The following ZFYVE16 variants were observed in gnomAD, a reference collection of about 807,000 sequenced individuals.
The protein encoded by ZFYVE16 is zinc finger FYVE-type containing 16, also known as zinc finger FYVE domain-containing protein 16.
ZFYVE16 carries 89 observed loss-of-function variants against 138.1 expected under a neutral mutation model. That is an observed-to-expected ratio of 0.64 (90% CI 0.54 to 0.77). ZFYVE16 has a LOEUF of 0.77. Ranked by LOEUF, ZFYVE16 falls within the 30% of genes least tolerant of loss-of-function variation. The probability of loss-of-function intolerance (pLI) is 0.00; values close to 1 mark genes in which losing one functional copy is unlikely to be tolerated. For synonymous variants in ZFYVE16, 596 were observed against 618.3 expected, an observed-to-expected ratio of 0.96 and a Z score of 0.53; for missense variants, 1,793 against 1,786.7, an observed-to-expected ratio of 1.00 and a Z score of -0.06.
intron 15 of ZFYVE16, among the ~76,000 whole-genome samples, chr5:80,459,832 T>G (rs1752923964): frequency 6.6e-6 from 1 of 152,188 alleles, no homozygotes; most frequent in African/African-American, 2.4e-5. Flanking sequence ...CTCCCTATTT[T>G]CATACAACAT....
chr5:80,474,515 G>A, intron 17 of ZFYVE16, 148 bp from the exon 18 acceptor site: 1 of 822,122 alleles, frequency 1.2e-6, no homozygotes, highest in Non-Finnish European at 1.8e-6. Flanking sequence ...TTTACTTATA[G>A]TACAGATCAA....
intron 11 of ZFYVE16, chr5:80,452,432 T>TC (rs1272782024): frequency 8.2e-3 from 289 of 35,148 alleles, no homozygotes; most frequent in Non-Finnish European, 0.011. Flanking sequence ...AGACTACGTC[T>TC]CAAAAAAAAA....
chr5:80,419,065 G>GT (rs112502550), intron 1 of ZFYVE16, among the ~76,000 whole-genome samples: 222 of 139,240 alleles, frequency 1.6e-3, no homozygotes, highest in Middle Eastern at 3.8e-3. Context: ...ATCGGTGTGG[G>GT]TTTTTTTTTT....
In ZFYVE16 at chr5:80,448,219, C is replaced by T; in HGVS notation, c.2918C>T (p.Ala973Val). The T allele has an allele frequency of 6.2e-7, 1 of 1,613,718 alleles. No individual in the cohort carries two copies. ...GSFTLDDDVF[A>V]ETEEPSSPTG... ...TTTACACTAGATGATGATGTTTTTG[C>T]AGAAACTGAAGAACCATCTAGTCCT... The change falls in exon 8 of 19, where the codon GCA (alanine) becomes GTA (valine). Residue 973 changes from alanine (A) to valine (V), a missense_variant. Physicochemically the swap from Ala to Val is moderately conservative, Grantham distance 64. Around this residue, in one of 2 missense-constraint regions of ZFYVE16, gnomAD observed 1,295 missense variants for 1,204.3 expected, o/e 1.08. Coordinates refer to ENST00000505560, the MANE Select transcript of ZFYVE16 (RefSeq NM_001284236.3).
intron 17 of ZFYVE16, 129 bp downstream of exon 17, chr5:80,473,988 CA>C: frequency 1.6e-6 from 1 of 638,864 alleles, no homozygotes; most frequent in Non-Finnish European, 2.6e-6. Flanking sequence ...CACTTTGAGA[CA>C]TACGCATTTC....
At chr5:80,426,455 C>CA (rs1447053197) in intron 1 of ZFYVE16, among the ~76,000 whole-genome samples, 2 of 151,766 alleles carry the variant, frequency 1.3e-5, no homozygotes, top group East Asian at 1.9e-4. Context: ...ACCACCCCCC[C>CA]ACCCCAGCAG....
At chr5:80,457,884 G>A (rs1580311012) in intron 14 of ZFYVE16, among the ~76,000 whole-genome samples, 1 of 151,782 alleles carries the variant, frequency 6.6e-6, no homozygotes, top group Non-Finnish European at 1.5e-5. Flanking sequence ...AAATTAGCCG[G>A]GTGTGGTGGC....
rs777085297 is a variant in ZFYVE16 at position 80,457,037 on chromosome 5, GA to G, written c.3890del (p.Asn1297MetfsTer19). 82 of 1,612,856 alleles carry G rather than the reference GA, an allele frequency of 5.1e-5. No homozygotes were observed. Among genetic ancestry groups the G allele is most frequent in the Non-Finnish European group, 6.8e-5 (80 of 1,179,666 alleles). ...CAGATTCTCATCTAGTCTGTATACA[GA>G]ATGATGGAATTTATGAAACACAGGC... is the stretch of plus-strand genomic sequence containing the variant. The part of the protein sequence containing the change: ...EADSHLVCIQ[N>X]DGIYETQANS... On this transcript the variant is annotated frameshift_variant, in exon 14 of 19. Transcript: ENST00000505560. LOFTEE classifies it high-confidence loss of function.
intron 1 of ZFYVE16, among the ~76,000 whole-genome samples, chr5:80,411,345 T>C (rs923811677): frequency 3.9e-5 from 6 of 152,120 alleles, no homozygotes; most frequent in Admixed American, 3.9e-4. Context: ...CTGAAAGGCT[T>C]ACATAATCCC....
At chr5:80,439,160 A>G (rs1271185885) in intron 4 of ZFYVE16, among the ~76,000 whole-genome samples, 153 bp downstream of exon 4, 1 of 152,214 alleles carries the variant, frequency 6.6e-6, no homozygotes, top group Non-Finnish European at 1.5e-5. Context: ...TATATAAAGC[A>G]GTGTCATTTT....
chr5:80,450,282 A>G (rs1751843844), intron 9 of ZFYVE16, 149 bp from the exon 10 acceptor site: 1 of 708,376 alleles, frequency 1.4e-6, no homozygotes, highest in Non-Finnish European at 2.3e-6. Context: ...CTTTATATAA[A>G]TCTTATACAA....
rs192071879 is a variant in ZFYVE16, at chr5:80,417,771, T to C, written c.-94+9618T>C. Among the ~76,000 whole-genome samples the C allele has an allele frequency of 6.2e-3, 948 of 152,332 alleles. 10 individuals carry two copies. The highest frequency in any genetic ancestry group is 0.021 in the African/African-American group (876 of 41,560). On this transcript the variant is annotated intron_variant, in intron 1 of 18. Transcript: ENST00000505560. The stretch of plus-strand genomic sequence containing the variant: ...AGTTTTTGGCAGTTATGAATAAACC[T>C]GTTTATATGCATTCACATCCAAGTT...
At chr5:80,441,629 G>C in intron 5 of ZFYVE16, 1 of 985,426 alleles carries the variant, frequency 1.0e-6, no homozygotes, top group Non-Finnish European at 1.2e-6. Context: ...AATTTGAATA[G>C]AGATTGTAGA....
intron 1 of ZFYVE16, among the ~76,000 whole-genome samples, chr5:80,416,572 T>A (rs1161442106): frequency 1.5e-5 from 2 of 135,986 alleles, no homozygotes; most frequent in African/African-American, 2.7e-5. Context: ...TTTTTTTTTT[T>A]AATGTGTTGG....
intron 18 of ZFYVE16, among the ~76,000 whole-genome samples, chr5:80,475,279 T>C (rs1298931141): frequency 6.6e-6 from 1 of 152,252 alleles, no homozygotes; most frequent in African/African-American, 2.4e-5. Flanking sequence ...ATGTACATGA[T>C]TTAAAATCTT....
intron 1 of ZFYVE16, among the ~76,000 whole-genome samples, chr5:80,418,857 T>G (rs770935980): frequency 2.0e-5 from 3 of 152,168 alleles, no homozygotes; most frequent in African/African-American, 7.2e-5. Flanking sequence ...TTATGTAGAT[T>G]TTCTCCTGTG....
chr5:80,438,667 G>C lies in ZFYVE16; in HGVS notation c.1982G>C (p.Ser661Thr). Residue 661 changes from serine (S) to threonine (T), a missense_variant, in exon 4 of 19, where the codon AGT becomes ACT. Ser to Thr is a moderately conservative substitution (Grantham distance 58). Coordinates refer to ENST00000505560, the MANE Select transcript of ZFYVE16 (RefSeq NM_001284236.3). The stretch of plus-strand genomic sequence containing the variant: ...TTTAGCCTTCCATCAAGAACAAGGA[G>C]TTCAAAGGACCTGAATAAGCCAGAT... ...QLFSLPSRTR[S>T]SKDLNKPDVP... The C allele has an allele frequency of 6.2e-7, 1 of 1,614,094 alleles. No individual in the cohort carries two copies. The highest frequency in any genetic ancestry group is 8.5e-7 in the Non-Finnish European group (1 of 1,179,974).
At chr5:80,446,369 A>T (rs1018859921) in intron 7 of ZFYVE16, among the ~76,000 whole-genome samples, 1 of 152,136 alleles carries the variant, frequency 6.6e-6, no homozygotes, top group African/African-American at 2.4e-5. Flanking sequence ...AATATTTATT[A>T]ACTAATTACA....
intron 1 of ZFYVE16, among the ~76,000 whole-genome samples, chr5:80,419,218 A>G (rs1361100024): frequency 6.6e-6 from 1 of 151,914 alleles, no homozygotes; most frequent in Admixed American, 6.6e-5. Flanking sequence ...AGCTGGGACT[A>G]CAGGCGCATG....
Sources: gnomAD v4.1 joint callset for allele counts (sites outside exome capture counted in the v4.1 genomes callset) on GRCh38, gnomAD v4.1.1 for gene constraint, gnomAD v4.1.1 regional missense constraint, MANE v1.5 for transcripts, NCBI Gene and HGNC (gene_info 2026-07-23, HGNC 2026-07-21) for gene names.